Variants in MGMT observed in about 807,000 individuals in gnomAD.
MGMT encodes the protein methylated-DNA--protein-cysteine methyltransferase.
A neutral mutation model predicts 15.9 loss-of-function variants in MGMT; 14 were observed. The observed-to-expected ratio is 0.88, with a 90% CI of 0.58 to 1.37. The LOEUF (loss-of-function observed/expected upper bound fraction) is 1.37. MGMT is among the 40% of genes most tolerant of loss of function. The probability of loss-of-function intolerance (pLI) is 0.00; values close to 1 mark genes in which losing one functional copy is unlikely to be tolerated. For missense variants in MGMT, 282 were observed against 268.1 expected (o/e 1.05, Z -0.36); for synonymous variants, 130 against 118.2 (o/e 1.10, Z -0.65).
intron 4 of MGMT, among the ~76,000 whole-genome samples, chr10:129,764,551 T>G (rs1589982550): frequency 6.6e-6 from 1 of 152,228 alleles, no homozygotes; most frequent in African/African-American, 2.4e-5. Context: ...CCCCAGCTGC[T>G]TCCTCTAAAA....
At chr10:129,584,537 T>C (rs1846596612) in intron 2 of MGMT, among the ~76,000 whole-genome samples, 1 of 152,176 alleles carries the variant, frequency 6.6e-6, no homozygotes, top group African/African-American at 2.4e-5. Context: ...CATGCATTTA[T>C]ACAGTTGTGT....
intron 2 of MGMT, among the ~76,000 whole-genome samples, chr10:129,598,707 C>G (rs1846781955): frequency 6.6e-6 from 1 of 152,202 alleles, no homozygotes; most frequent in Non-Finnish European, 1.5e-5. Context: ...AAATTTTCTT[C>G]TAACTAGTAG....
At chr10:129,553,546 A>G (rs996747658) in intron 2 of MGMT, among the ~76,000 whole-genome samples, 1 of 152,200 alleles carries the variant, frequency 6.6e-6, no homozygotes. Context: ...GGAATGAATT[A>G]AAATGAGAAC....
chr10:129,504,527 G>A (rs1845606173), intron 1 of MGMT, among the ~76,000 whole-genome samples: 1 of 152,190 alleles, frequency 6.6e-6, no homozygotes, highest in Non-Finnish European at 1.5e-5. Flanking sequence ...CGACACTGTT[G>A]TTTGGGATGG....
At chr10:129,606,162 C>G (rs566166437) in intron 2 of MGMT, among the ~76,000 whole-genome samples, 1 of 152,302 alleles carries the variant, frequency 6.6e-6, no homozygotes, top group South Asian at 2.1e-4. Context: ...ACAGTGTAAT[C>G]AAGGTGCTAG....
chr10:129,665,481 T>A (rs1470107923), intron 2 of MGMT, among the ~76,000 whole-genome samples: 2 of 151,920 alleles, frequency 1.3e-5, no homozygotes, highest in African/African-American at 4.8e-5. Context: ...ACATCATGAA[T>A]GACTCTCAAG....
chr10:129,736,390 C>CT (rs1171298272), intron 3 of MGMT, among the ~76,000 whole-genome samples: 3 of 151,118 alleles, frequency 2.0e-5, no homozygotes, highest in Non-Finnish European at 3.0e-5. Context: ...CAACCCCTGC[C>CT]TTTTTTTGTT....
At chr10:129,632,071 G>A (rs968045069) in intron 2 of MGMT, among the ~76,000 whole-genome samples, 1 of 152,130 alleles carries the variant, frequency 6.6e-6, no homozygotes, top group African/African-American at 2.4e-5. Flanking sequence ...GCGTACAAAT[G>A]TTACTAAAGT....
chr10:129,570,772 GAGGTGT>G (rs1846408877), intron 2 of MGMT, among the ~76,000 whole-genome samples: 1 of 152,190 alleles, frequency 6.6e-6, no homozygotes, highest in Non-Finnish European at 1.5e-5. Context: ...GAATTTTCAT[GAGGTGT>G]AAATTTAAAT....
At chr10:129,552,350 G>A (rs370207916) in intron 2 of MGMT, among the ~76,000 whole-genome samples, 18 of 152,334 alleles carry the variant, frequency 1.2e-4, no homozygotes, top group African/African-American at 3.8e-4. Flanking sequence ...TGCCCAGGTG[G>A]TCATCCAGGA....
At chr10:129,631,602 C>T (rs1460608458) in intron 2 of MGMT, among the ~76,000 whole-genome samples, 3 of 152,154 alleles carry the variant, frequency 2.0e-5, no homozygotes, top group Non-Finnish European at 2.9e-5. Flanking sequence ...GTGGGCAGAT[C>T]GCTTGAGTGC....
chr10:129,635,926 A>G (rs905642211), intron 2 of MGMT, among the ~76,000 whole-genome samples: 3 of 152,226 alleles, frequency 2.0e-5, no homozygotes, highest in Non-Finnish European at 2.9e-5. Context: ...TCCAGAATAT[A>G]TATCAAGAGT....
intron 1 of MGMT, among the ~76,000 whole-genome samples, chr10:129,496,960 T>TGGGGTTACAGGCATGACCCACTGTGCC (rs1845527949): frequency 6.6e-6 from 1 of 152,118 alleles, no homozygotes; most frequent in Non-Finnish European, 1.5e-5. Flanking sequence ...CCCAAAGTGC[T>TGGGGTTACAGGCATGACCCACTGTGCC]GGGGTTACAG....
At chr10:129,766,324 C>T (rs1041856913) in intron 4 of MGMT, among the ~76,000 whole-genome samples, 8 of 152,208 alleles carry the variant, frequency 5.3e-5, no homozygotes, top group Admixed American at 4.6e-4. Flanking sequence ...CACAGTTGGC[C>T]GGCCATGGGC....
chr10:129,646,739 TATA>T (rs1847395091), intron 2 of MGMT, among the ~76,000 whole-genome samples: 1 of 107,364 alleles, frequency 9.3e-6, no homozygotes, highest in African/African-American at 3.5e-5. Flanking sequence ...TATATATATA[TATA>T]TATATATATA....
chr10:129,532,961 T>C lies in MGMT; in HGVS notation c.-12-3280T>C, dbSNP rs1845948647. Among the ~76,000 whole-genome samples, 1 of 152,200 alleles carries C rather than the reference T, an allele frequency of 6.6e-6. No individual in the cohort carries two copies. The highest frequency in any genetic ancestry group is 1.5e-5 in the Non-Finnish European group (1 of 68,026). ...CTCCCAGGCCGTCCCTTCCTGCAGC[T>C]GCTCGGACACTGGCACATGTTGGCA... On this transcript the variant is annotated intron_variant, in intron 1 of 4. Coordinates refer to ENST00000651593, the MANE Select transcript of MGMT (RefSeq NM_002412.5). This position sits in a 1 kb window ranked among gnomAD's most constrained non-coding sequence, Gnocchi z 5.3.
intron 2 of MGMT, among the ~76,000 whole-genome samples, chr10:129,620,599 A>G (rs1463231390): frequency 6.6e-6 from 1 of 151,942 alleles, no homozygotes; most frequent in Admixed American, 6.6e-5. Context: ...ATCTCCAGCC[A>G]TTTTTCTTAC....
intron 2 of MGMT, among the ~76,000 whole-genome samples, chr10:129,579,361 A>G (rs1342767879): frequency 2.0e-5 from 3 of 152,160 alleles, no homozygotes; most frequent in African/African-American, 7.2e-5. Context: ...AGGCCCCAGG[A>G]GTCCCGTGGG....
intron 1 of MGMT, among the ~76,000 whole-genome samples, chr10:129,522,239 A>T (rs1048151785): frequency 1.3e-5 from 2 of 152,210 alleles, no homozygotes; most frequent in African/African-American, 4.8e-5. Flanking sequence ...GAATGCACCA[A>T]GGAATGCCTG....
Sources: allele counts gnomAD v4.1 joint callset (sites outside exome capture counted in the v4.1 genomes callset), GRCh38; gene constraint gnomAD v4.1.1; non-coding constraint Gnocchi (gnomAD v3.1); transcripts MANE v1.5; gene names NCBI Gene and HGNC (gene_info 2026-07-23, HGNC 2026-07-21).